SIMC1: variants seen among roughly 807,000 people sequenced by gnomAD.
SIMC1 encodes SUMO-interacting motif-containing protein 1.
Under a neutral mutation model 82.3 loss-of-function variants are expected in SIMC1, and 55 were observed. That is an observed-to-expected ratio of 0.67 (90% CI 0.54 to 0.84). The LOEUF (loss-of-function observed/expected upper bound fraction) is 0.84. Ranked by LOEUF, SIMC1 falls within the 40% of genes least tolerant of loss-of-function variation. SIMC1 has a pLI of 0.00. For missense variants in SIMC1, 915 were observed against 1,107.2 expected (o/e 0.83, Z 2.46); for synonymous variants, 353 against 426.3 (o/e 0.83, Z 2.12).
At chr5:176,296,469 G>C in intron 4 of SIMC1, 149 bp downstream of exon 4, 1 of 1,221,846 alleles carries the variant, frequency 8.2e-7, no homozygotes, top group Non-Finnish European at 1.1e-6. Flanking sequence ...TTCAAGGCCA[G>C]CCTGGGCAAC....
intron 9 of SIMC1, among the ~76,000 whole-genome samples, chr5:176,342,529 C>T (rs1350293290): frequency 6.6e-6 from 1 of 152,192 alleles, no homozygotes; most frequent in Admixed American, 6.5e-5. Flanking sequence ...GTTCCAGAGG[C>T]TGGGAAGTCC....
Position 176,290,498 on chromosome 5 carries a change from C to G in SIMC1, c.974C>G (p.Ser325Ter). ...VPQSPSDVSP[S>*]PDAPQSPGGM... ...CAGTCACCAAGTGATGTTTCACCGT[C>G]ACCAGATGCACCACAGTCACCAGGG... is the stretch of plus-strand genomic sequence containing the variant. The change falls in exon 2 of 10, where the codon TCA becomes TGA. Residue 325 changes from serine (S) to a stop codon, truncating the protein, a stop_gained. Coordinates refer to ENST00000429602, the MANE Select transcript of SIMC1 (RefSeq NM_001308195.2). LOFTEE classifies it high-confidence loss of function. 2 of 1,613,982 alleles carry G rather than the reference C, an allele frequency of 1.2e-6. No individual in the cohort carries two copies. Among genetic ancestry groups the G allele is most frequent in the Non-Finnish European group, 1.7e-6 (2 of 1,179,886 alleles).
intron 1 of SIMC1, among the ~76,000 whole-genome samples, chr5:176,271,426 A>G (rs889874031): frequency 1.7e-4 from 26 of 152,172 alleles, no homozygotes; most frequent in Non-Finnish European, 3.5e-4. Context: ...AGAATCAATA[A>G]TTATTAATAA....
chr5:176,303,707 G>A (rs1011316743), intron 4 of SIMC1, among the ~76,000 whole-genome samples: 4 of 152,160 alleles, frequency 2.6e-5, no homozygotes, highest in African/African-American at 9.6e-5. Flanking sequence ...ACTCAAAACA[G>A]TGTGGTACAA....
At chr5:176,272,602 G>C (rs1048792264) in intron 1 of SIMC1, among the ~76,000 whole-genome samples, 1 of 152,188 alleles carries the variant, frequency 6.6e-6, no homozygotes, top group African/African-American at 2.4e-5. Context: ...GACAGTGGGT[G>C]CAGCCCACCG....
chr5:176,313,911 G>T, intron 5 of SIMC1, 66 bp downstream of exon 5: 1 of 1,595,540 alleles, frequency 6.3e-7, no homozygotes, highest in Non-Finnish European at 8.5e-7. Context: ...GCTGCTGAAG[G>T]CCAGAATATC....
At chr5:176,324,070 C>T (rs866611542) in intron 6 of SIMC1, among the ~76,000 whole-genome samples, 9 of 151,946 alleles carry the variant, frequency 5.9e-5, no homozygotes, top group Admixed American at 4.6e-4. Flanking sequence ...GAGGTTGCCC[C>T]GACTCCTAAT....
At chr5:176,260,239 G>GTTCT (rs1761970627) in intron 1 of SIMC1, among the ~76,000 whole-genome samples, 1 of 152,090 alleles carries the variant, frequency 6.6e-6, no homozygotes, top group Admixed American at 6.6e-5. Flanking sequence ...AACATCGTAT[G>GTTCT]TTCTCCCTCA....
chr5:176,252,201 G>A lies in SIMC1; in HGVS notation c.129+13564G>A, dbSNP rs1240483977. On this transcript the variant is annotated intron_variant, in intron 1 of 9. Coordinates refer to ENST00000429602, the MANE Select transcript of SIMC1 (RefSeq NM_001308195.2). Reference sequence around the variant, plus strand: ...CACCTCCCGGACGGGGCGGCTGGCCGGGCGGGGGGCTGACCGCCCCCCCCA... The same window carrying A: ...CACCTCCCGGACGGGGCGGCTGGCCAGGCGGGGGGCTGACCGCCCCCCCCA... Among the ~76,000 whole-genome samples the A allele has an allele frequency of 4.2e-4, 47 of 112,986 alleles. No individual in the cohort carries two copies. In the South Asian group the frequency reaches 0.01, roughly 24 times the overall value. The allele number at this position is 112,986 out of a possible 152,430, so 74.1% of individuals were successfully genotyped here.
At chr5:176,254,900 CA>C (rs1429408099) in intron 1 of SIMC1, among the ~76,000 whole-genome samples, 1 of 152,154 alleles carries the variant, frequency 6.6e-6, no homozygotes. Context: ...CCTTTGTTCA[CA>C]AAGTATACCA....
At chr5:176,251,094 G>A (rs1423668453) in intron 1 of SIMC1, among the ~76,000 whole-genome samples, 2 of 152,140 alleles carry the variant, frequency 1.3e-5, no homozygotes, top group Non-Finnish European at 2.9e-5. Context: ...AGGCACGGTG[G>A]CTCACCCCTA....
chr5:176,270,421 A>G (rs1376294460), intron 1 of SIMC1: 7 of 152,088 alleles, frequency 4.6e-5, no homozygotes, highest in Non-Finnish European at 8.8e-5. Context: ...GCAGAGCAAG[A>G]TGGCTGAATA....
At chr5:176,328,167 G>A (rs1765473588) in intron 7 of SIMC1, among the ~76,000 whole-genome samples, 1 of 152,162 alleles carries the variant, frequency 6.6e-6, no homozygotes, top group African/African-American at 2.4e-5. Flanking sequence ...CTCCCAAGAT[G>A]CTGGGATTAC....
rs377649057 is a variant in SIMC1 at position 176,343,803 on chromosome 5, G to GT, written c.2414-1372dup. Among the ~76,000 whole-genome samples, 408 of 150,952 alleles carry GT rather than the reference G, an allele frequency of 2.7e-3. 3 individuals carry two copies. Among genetic ancestry groups the GT allele is most frequent in the African/African-American group, 9.0e-3 (366 of 40,888 alleles). On this transcript the variant is annotated intron_variant, in intron 9 of 9. Transcript: ENST00000429602. The stretch of plus-strand genomic sequence containing the variant: ...TTGTTTTTTTGTTTTGTTTTGTTTT[G>GT]TTTTTTTTGAGACGGAGTCTAGCTC...
intron 9 of SIMC1, among the ~76,000 whole-genome samples, chr5:176,342,221 G>C (rs1766180862): frequency 6.6e-6 from 1 of 152,066 alleles, no homozygotes; most frequent in African/African-American, 2.4e-5. Context: ...CTCTTCCTAA[G>C]ACAATTCCTA....
At chr5:176,292,705 G>T (rs567760439) in intron 2 of SIMC1, among the ~76,000 whole-genome samples, 11 of 152,078 alleles carry the variant, frequency 7.2e-5, no homozygotes, top group African/African-American at 2.7e-4. Context: ...TACCACTTCC[G>T]GCTTTTTGTA....
At chr5:176,295,973 C>G (rs1316325499) in intron 3 of SIMC1, 2 of 505,468 alleles carry the variant, frequency 4.0e-6, no homozygotes, top group African/African-American at 3.9e-5. Context: ...TTTTGGGGTT[C>G]TGGTAGGTAA....
intron 9 of SIMC1, among the ~76,000 whole-genome samples, chr5:176,343,523 G>A (rs545459830): frequency 1.3e-5 from 2 of 152,252 alleles, no homozygotes; most frequent in South Asian, 4.1e-4. Flanking sequence ...TAGACCTACG[G>A]AAAAGTAGAA....
intron 1 of SIMC1, among the ~76,000 whole-genome samples, chr5:176,286,452 G>A (rs1163922667): frequency 6.6e-6 from 1 of 152,178 alleles, no homozygotes; most frequent in African/African-American, 2.4e-5. Flanking sequence ...AGCTGAAACT[G>A]GATCCCTTCC....
Sources: allele counts gnomAD v4.1 joint callset (sites outside exome capture counted in the v4.1 genomes callset), GRCh38; gene constraint gnomAD v4.1.1; transcripts MANE v1.5; gene names NCBI Gene and HGNC (gene_info 2026-07-23, HGNC 2026-07-21).